GTF3C1: variants seen among roughly 807,000 people sequenced by gnomAD.
GTF3C1 encodes general transcription factor 3C polypeptide 1.
GTF3C1 carries 57 observed loss-of-function variants against 226.7 expected under a neutral mutation model. The observed-to-expected ratio is 0.25, with a 90% CI of 0.20 to 0.31. The LOEUF (loss-of-function observed/expected upper bound fraction) is 0.31. Among genes scored for constraint, GTF3C1 ranks in the 10% least tolerant of loss-of-function variants. GTF3C1 has a pLI of 1.00. For synonymous variants in GTF3C1, 1,090 were observed against 1,084.8 expected (o/e 1.00, Z -0.09); for missense variants, 2,217 against 2,776.1 (o/e 0.80, Z 4.53).
chr16:27,482,142 C>G (rs2088060268), intron 26 of GTF3C1, among the ~76,000 whole-genome samples: 1 of 152,178 alleles, frequency 6.6e-6, no homozygotes, highest in African/African-American at 2.4e-5. Context: ...CCCCTCTCCC[C>G]ACTGCTTCCT....
At position 27,463,549 on chromosome 16, in the gene GTF3C1, T is replaced by A; in HGVS notation, c.5916A>T (p.Ala1972=). 6.3e-7 allele frequency: 1 copy of A among 1,594,056 alleles called. No homozygotes were observed. Among genetic ancestry groups the A allele is most frequent in the Non-Finnish European group, 8.6e-7 (1 of 1,161,736 alleles). ...CAGAACCCCACACCCACCTTTCCCG[T>A]GCTGCCTGGGAGATGTTGGCAGCTC... ...SFGAANISQA[A]RERDCESVCF... Residue 1972 remains alanine (A), a synonymous_variant, in exon 35 of 37, where the codon GCA becomes GCT. Coordinates refer to ENST00000356183, the MANE Select transcript of GTF3C1 (RefSeq NM_001520.4). This position sits in a 1 kb window ranked among gnomAD's most constrained non-coding sequence, Gnocchi z 4.9.
chr16:27,535,604 C>T (rs1012907179), intron 4 of GTF3C1, among the ~76,000 whole-genome samples: 25 of 150,300 alleles, frequency 1.7e-4, no homozygotes, highest in African/African-American at 5.4e-4. Context: ...CCATGTGATG[C>T]TCATCTCATC....
At position 27,549,713 on chromosome 16, in the gene GTF3C1, A is replaced by G; in HGVS notation, c.178T>C (p.Tyr60His). 6.2e-7 allele frequency: 1 copy of G among 1,608,932 alleles called. No homozygotes were observed. Among genetic ancestry groups the G allele is most frequent in the Non-Finnish European group, 8.5e-7 (1 of 1,178,812 alleles). Residue 60 changes from tyrosine to histidine, a missense_variant, in exon 1 of 37, where the codon TAT becomes CAT. Tyr to His is a moderately conservative substitution (Grantham distance 83, BLOSUM62 2). This residue lies in a region of GTF3C1 where 192 missense variants were observed against 251.8 expected (regional missense o/e 0.76). Transcript: ENST00000356183. ...ALATHPGISF[Y>H]EEPRERPDLQ... ...TCGGGTCGCTCCCGAGGCTCCTCAT[A>G]GAAGCTGATGCCCGGGTGCGTGGCG... is the stretch of plus-strand genomic sequence containing the variant.
intron 6 of GTF3C1, among the ~76,000 whole-genome samples, chr16:27,524,827 G>A (rs956364291): frequency 6.6e-6 from 1 of 152,228 alleles, no homozygotes; most frequent in Non-Finnish European, 1.5e-5. Context: ...CAGGCCATGA[G>A]TATTTAGGTA....
chr16:27,530,835 G>A (rs2088904499), intron 5 of GTF3C1, among the ~76,000 whole-genome samples: 1 of 152,178 alleles, frequency 6.6e-6, no homozygotes, highest in Non-Finnish European at 1.5e-5. Flanking sequence ...TCAGAAGCCT[G>A]CCTTTGCGCT....
Position 27,511,763 on chromosome 16 carries a change from T to C in GTF3C1, c.1112A>G (p.Gln371Arg). The change falls in exon 7 of 37, where the codon CAG (glutamine) becomes CGG (arginine). Residue 371 changes from glutamine to arginine, a missense_variant. By Grantham distance (43) the Gln-to-Arg change is conservative. Around this residue, in one of 12 missense-constraint regions of GTF3C1, gnomAD observed 163 missense variants for 234.3 expected, o/e 0.70. Coordinates refer to ENST00000356183, the MANE Select transcript of GTF3C1 (RefSeq NM_001520.4). ...DIVFERDMLTQTYDLIERRGT... is the reference protein window; with the variant it reads ...DIVFERDMLTRTYDLIERRGT... ...ACAAGACTTACTGAGGTCGTAGGTC[T>C]GTGTGAGCATATCCCGCTCGAACAC... 6.2e-7 allele frequency: 1 copy of C among 1,614,230 alleles called. No homozygotes were observed. The highest frequency in any genetic ancestry group is 8.5e-7 in the Non-Finnish European group (1 of 1,180,028).
At chr16:27,522,128 T>C (rs572542706) in intron 6 of GTF3C1, among the ~76,000 whole-genome samples, 13 of 152,248 alleles carry the variant, frequency 8.5e-5, no homozygotes, top group Non-Finnish European at 1.5e-4. Context: ...TGAGATATAA[T>C]TTGCATATCA....
At position 27,499,970 on chromosome 16, in the gene GTF3C1, G is replaced by A. The variant is rs79458040; in HGVS notation, c.2061+1221C>T. On this transcript the variant is annotated intron_variant, in intron 12 of 36. Coordinates refer to ENST00000356183, the MANE Select transcript of GTF3C1 (RefSeq NM_001520.4). ...AGCCGGAAAAACCAGCTACTGTAGT[G>A]GGACCTTGTGGCAAGAGGCCTGGGC... Among the ~76,000 whole-genome samples, 1,499 of 152,280 alleles carry A rather than the reference G, an allele frequency of 9.8e-3. 31 individuals are homozygous for A. Among genetic ancestry groups the A allele is most frequent in the African/African-American group, 0.034 (1,399 of 41,542 alleles).
intron 5 of GTF3C1, among the ~76,000 whole-genome samples, chr16:27,531,854 G>A (rs556707019): frequency 2.6e-4 from 40 of 152,284 alleles, no homozygotes; most frequent in South Asian, 4.1e-4. Context: ...AAATTCCTTC[G>A]TTTCTGCCAG....
intron 24 of GTF3C1, among the ~76,000 whole-genome samples, chr16:27,485,353 G>A (rs1321509973): frequency 6.6e-6 from 1 of 152,256 alleles, no homozygotes; most frequent in East Asian, 1.9e-4. Context: ...GCAAATAAGA[G>A]GTCTCGCTGC....
intron 10 of GTF3C1, among the ~76,000 whole-genome samples, chr16:27,505,346 C>T (rs141135211): frequency 2.6e-5 from 4 of 152,286 alleles, no homozygotes. Context: ...AGAGTTTCTC[C>T]ACCTTGCCAG....
intron 10 of GTF3C1, among the ~76,000 whole-genome samples, chr16:27,504,818 C>T (rs1381668984): frequency 6.6e-6 from 1 of 152,208 alleles, no homozygotes; most frequent in Non-Finnish European, 1.5e-5. Context: ...GCAGTCCCAG[C>T]TACTCAGGAG....
rs145309625 is a variant in GTF3C1, at chr16:27,544,312, G to C, written c.431+1002C>G. On this transcript the variant is annotated intron_variant, in intron 2 of 36. Coordinates refer to ENST00000356183, the MANE Select transcript of GTF3C1 (RefSeq NM_001520.4). The stretch of plus-strand genomic sequence containing the variant: ...AGGTGGGAAGATCACCTGAGCCCAG[G>C]AGGTCAAGGCTGCAATAAGCTGTGA... 1.1e-4 allele frequency among the ~76,000 whole-genome samples: 16 copies of C among 151,868 alleles called. No homozygotes were observed. In the East Asian group the frequency reaches 2.6e-3, roughly 25 times the overall value.
intron 5 of GTF3C1, among the ~76,000 whole-genome samples, 182 bp from the exon 6 acceptor site, chr16:27,528,903 A>G (rs577932553): frequency 1.3e-4 from 20 of 152,290 alleles, no homozygotes; most frequent in African/African-American, 4.8e-4. Flanking sequence ...GCAGGATATA[A>G]ACGATTCTAC....
chr16:27,524,260 A>G (rs2088797200), intron 6 of GTF3C1, among the ~76,000 whole-genome samples: 1 of 152,226 alleles, frequency 6.6e-6, no homozygotes, highest in South Asian at 2.1e-4. Context: ...TCCTAATTGT[A>G]TTTTTATAGG....
chr16:27,475,962 G>A (rs1342932385), intron 29 of GTF3C1, among the ~76,000 whole-genome samples: 2 of 152,178 alleles, frequency 1.3e-5, no homozygotes, highest in African/African-American at 2.4e-5. Flanking sequence ...GGATTGTGGA[G>A]GTCACTAGAT....
At chr16:27,501,823 G>C (rs2088408871) in intron 11 of GTF3C1, among the ~76,000 whole-genome samples, 1 of 152,182 alleles carries the variant, frequency 6.6e-6, no homozygotes. Context: ...TGCAGGGCCA[G>C]TGGGCGTGGT....
At chr16:27,472,064 C>T in intron 29 of GTF3C1, 144 bp from the exon 30 acceptor site, 1 of 667,948 alleles carries the variant, frequency 1.5e-6, no homozygotes, top group Non-Finnish European at 2.6e-6. Context: ...ATGTGTGTGT[C>T]AGTGAGTGTG....
At chr16:27,541,793 A>AGGCACAATCACATATAGCCTGCCGG (rs2141460418) in intron 2 of GTF3C1, among the ~76,000 whole-genome samples, 1 of 152,302 alleles carries the variant, frequency 6.6e-6, no homozygotes, top group Non-Finnish European at 1.5e-5. Context: ...GGGTGAGCAG[A>AGGCACAATCACATATAGCCTGCCGG]GGCACAATCA....
Sources: gnomAD v4.1 joint callset for allele counts (sites outside exome capture counted in the v4.1 genomes callset) on GRCh38, gnomAD v4.1.1 for gene constraint, gnomAD v4.1.1 regional missense constraint, Gnocchi (gnomAD v3.1) non-coding constraint, MANE v1.5 for transcripts, NCBI Gene and HGNC (gene_info 2026-07-23, HGNC 2026-07-21) for gene names.